The following CNTN3 variants were observed in gnomAD, a reference collection of about 807,000 sequenced individuals.
CNTN3 encodes contactin 3, also known as contactin-3.
Under a neutral mutation model 119.1 loss-of-function variants are expected in CNTN3, and 60 were observed. The ratio of observed to expected loss-of-function variants is 0.50; its 90% CI spans 0.41 to 0.62. The LOEUF is 0.62. Ranked by LOEUF, CNTN3 falls within the 20% of genes least tolerant of loss-of-function variation. The pLI, the probability that CNTN3 is intolerant of heterozygous loss-of-function variation, is 0.00. For synonymous variants in CNTN3, 450 were observed against 438.7 expected (o/e 1.03, Z -0.32); for missense variants, 1,101 against 1,242.4 (o/e 0.89, Z 1.71).
chr3:74,579,323 C>T lies in CNTN3; in HGVS notation c.-81+35068G>A, dbSNP rs1323309112. On this transcript the variant is annotated intron_variant, in intron 1 of 22. Coordinates refer to ENST00000263665, the MANE Select transcript of CNTN3 (RefSeq NM_020872.3). ...ATAATAGTTGAAGACTTTAAAAGCA[C>T]TCTTTCAGTTATGAATACAACAAGC... is the stretch of plus-strand genomic sequence containing the variant. Among the ~76,000 whole-genome samples, 4 of 151,350 alleles carry T rather than the reference C, an allele frequency of 2.6e-5. No individual in the cohort carries two copies. In the East Asian group the frequency reaches 7.7e-4, roughly 29 times the overall value.
At chr3:74,320,251 A>C (rs549215587) in intron 13 of CNTN3, among the ~76,000 whole-genome samples, 17 of 152,346 alleles carry the variant, frequency 1.1e-4, no homozygotes, top group African/African-American at 4.1e-4. Context: ...CACAATAGTA[A>C]AGACTTGGAA....
intron 2 of CNTN3, among the ~76,000 whole-genome samples, chr3:74,503,439 G>A (rs1368210220): frequency 1.3e-5 from 2 of 152,068 alleles, no homozygotes; most frequent in African/African-American, 4.8e-5. Flanking sequence ...TGACAGGTCA[G>A]TGCATGCTTC....
intron 1 of CNTN3, among the ~76,000 whole-genome samples, chr3:74,583,726 T>C (rs1254163729): frequency 1.3e-5 from 2 of 152,246 alleles, no homozygotes; most frequent in Non-Finnish European, 2.9e-5. Flanking sequence ...TGTGTATTAA[T>C]CATACTTTAA....
chr3:74,424,599 T>C lies in CNTN3; in HGVS notation c.454+246A>G, dbSNP rs371381256. 5.3e-4 allele frequency among the ~76,000 whole-genome samples: 80 copies of C among 152,176 alleles called. 5 individuals are homozygous for C. In the South Asian group the frequency reaches 0.017, roughly 32 times the overall value. On this transcript the variant is annotated intron_variant, in intron 5 of 22. Coordinates refer to ENST00000263665, the MANE Select transcript of CNTN3 (RefSeq NM_020872.3). ...CAAAGCATTGTTTAGCACCGTTAGGTGACTGAAGCAAATGTGATCTCTCTT... is the reference window on the plus strand; with the variant it reads ...CAAAGCATTGTTTAGCACCGTTAGGCGACTGAAGCAAATGTGATCTCTCTT...
At chr3:74,511,319 T>C (rs1310099638) in intron 2 of CNTN3, among the ~76,000 whole-genome samples, 3 of 152,070 alleles carry the variant, frequency 2.0e-5, no homozygotes, top group Non-Finnish European at 4.4e-5. Flanking sequence ...CAGCAAGAAA[T>C]TCACATATAA....
At chr3:74,410,707 C>A (rs1181988996) in intron 5 of CNTN3, among the ~76,000 whole-genome samples, 1 of 152,012 alleles carries the variant, frequency 6.6e-6, no homozygotes, top group Non-Finnish European at 1.5e-5. Context: ...GTAAGCCTGC[C>A]AGAATGGGTC....
chr3:74,285,912 A>G (rs1392657760), intron 19 of CNTN3, among the ~76,000 whole-genome samples: 3 of 147,718 alleles, frequency 2.0e-5, no homozygotes, highest in East Asian at 2.0e-4. Context: ...GTTCTATACA[A>G]TTTTGCTCAA....
intron 5 of CNTN3, among the ~76,000 whole-genome samples, chr3:74,386,789 A>G (rs1022947201): frequency 6.6e-6 from 1 of 152,242 alleles, no homozygotes; most frequent in Non-Finnish European, 1.5e-5. Context: ...AATGCATAAC[A>G]AATGATGAGT....
At chr3:74,391,187 T>G (rs1470014440) in intron 5 of CNTN3, among the ~76,000 whole-genome samples, 1 of 152,202 alleles carries the variant, frequency 6.6e-6, no homozygotes, top group African/African-American at 2.4e-5. Flanking sequence ...TCTTACTGCA[T>G]GCTTCCTCCT....
chr3:74,493,926 T>C (rs958587177), intron 3 of CNTN3, among the ~76,000 whole-genome samples: 1 of 152,130 alleles, frequency 6.6e-6, no homozygotes, highest in Non-Finnish European at 1.5e-5. Context: ...TTCTCACTCA[T>C]CGATAAATTT....
chr3:74,359,293 A>G (rs1704023812), intron 11 of CNTN3, among the ~76,000 whole-genome samples: 1 of 152,220 alleles, frequency 6.6e-6, no homozygotes, highest in Middle Eastern at 3.4e-3. Context: ...ACATGATCTC[A>G]TTCTTATAGA....
chr3:74,536,528 T>C (rs1177766799), intron 1 of CNTN3, among the ~76,000 whole-genome samples: 1 of 152,056 alleles, frequency 6.6e-6, no homozygotes, highest in Non-Finnish European at 1.5e-5. Context: ...AAAGCAACAG[T>C]AGAGATCCAA....
At chr3:74,473,733 A>G (rs1393336822) in intron 4 of CNTN3, among the ~76,000 whole-genome samples, 1 of 152,186 alleles carries the variant, frequency 6.6e-6, no homozygotes, top group African/African-American at 2.4e-5. Flanking sequence ...GAGGGTAGAA[A>G]GCAATTTTTA....
intron 3 of CNTN3, among the ~76,000 whole-genome samples, chr3:74,497,080 C>T (rs1703079168): frequency 6.6e-6 from 1 of 151,960 alleles, no homozygotes; most frequent in African/African-American, 2.4e-5. Context: ...TAATATTCCT[C>T]CTTGGCTGTC....
chr3:74,436,435 T>C (rs1701867589), intron 4 of CNTN3, among the ~76,000 whole-genome samples: 1 of 152,148 alleles, frequency 6.6e-6, no homozygotes, highest in African/African-American at 2.4e-5. Context: ...ACTCCCTCCA[T>C]GGCACTCTCA....
At chr3:74,308,225 C>T (rs1702603546) in intron 13 of CNTN3, among the ~76,000 whole-genome samples, 1 of 152,164 alleles carries the variant, frequency 6.6e-6, no homozygotes, top group Non-Finnish European at 1.5e-5. Context: ...GTACGCTGCT[C>T]ATCCAAAAAG....
chr3:74,499,584 GC>G, intron 3 of CNTN3, 74 bp downstream of exon 3: 1 of 1,423,840 alleles, frequency 7.0e-7, no homozygotes, highest in African/African-American at 1.4e-5. Context: ...ATATATTGAA[GC>G]AAAAAAAAAT....
At chr3:74,266,933 A>T (rs935339333) in intron 21 of CNTN3, among the ~76,000 whole-genome samples, 11 of 152,110 alleles carry the variant, frequency 7.2e-5, no homozygotes, top group Non-Finnish European at 1.6e-4. Flanking sequence ...GCCATAGTGT[A>T]TGGACCTTGA....
chr3:74,472,448 G>C (rs1300103628), intron 4 of CNTN3, among the ~76,000 whole-genome samples: 1 of 152,138 alleles, frequency 6.6e-6, no homozygotes, highest in Admixed American at 6.6e-5. Flanking sequence ...CAATAATGTA[G>C]AGCCTGAAAT....
Sources: allele counts gnomAD v4.1 joint callset (sites outside exome capture counted in the v4.1 genomes callset), GRCh38; gene constraint gnomAD v4.1.1; transcripts MANE v1.5; gene names NCBI Gene and HGNC (gene_info 2026-07-23, HGNC 2026-07-21).